PEAK1: variants seen among roughly 807,000 people sequenced by gnomAD.
PEAK1 encodes the protein inactive tyrosine-protein kinase PEAK1.
In PEAK1, 54 loss-of-function variants were observed where a neutral mutation model predicts 124.7. The ratio of observed to expected loss-of-function variants is 0.43; its 90% confidence interval spans 0.35 to 0.54. PEAK1 has a LOEUF of 0.54. Among genes scored for constraint, PEAK1 ranks in the 20% least tolerant of loss-of-function variants. The pLI is 0.01. For synonymous variants in PEAK1, 719 were observed against 760.0 expected (o/e 0.95, Z 0.89); for missense variants, 2,046 against 2,134.5 (o/e 0.96, Z 0.82).
intron 8 of PEAK1, among the ~76,000 whole-genome samples, chr15:77,137,828 G>T (rs980017402): frequency 1.3e-5 from 2 of 152,094 alleles, no homozygotes; most frequent in African/African-American, 2.4e-5. Flanking sequence ...GATCTGGGAG[G>T]GGCAAGGGGT....
intron 5 of PEAK1, among the ~76,000 whole-genome samples, chr15:77,271,825 A>G (rs2062050130): frequency 1.3e-5 from 2 of 152,152 alleles, no homozygotes; most frequent in Non-Finnish European, 2.9e-5. Flanking sequence ...AGACATACCT[A>G]ATGTAAATGA....
At chr15:77,392,273 C>T (rs1247263125) in intron 1 of PEAK1, among the ~76,000 whole-genome samples, 2 of 152,198 alleles carry the variant, frequency 1.3e-5, no homozygotes, top group African/African-American at 4.8e-5. Flanking sequence ...CACAGTTGTT[C>T]ACTCTGAATG....
chr15:77,402,390 T>C (rs1216102465), intron 1 of PEAK1: 1 of 985,250 alleles, frequency 1.0e-6, no homozygotes, highest in East Asian at 1.1e-4. Context: ...AGACCAATTA[T>C]TTCATTCAAT....
At chr15:77,311,023 T>C (rs1174416100) in intron 2 of PEAK1, among the ~76,000 whole-genome samples, 4 of 152,218 alleles carry the variant, frequency 2.6e-5, no homozygotes, top group African/African-American at 7.2e-5. Context: ...CACAGGGCCA[T>C]AATGATCAGA....
At chr15:77,120,179 G>A (rs1037222633) in intron 9 of PEAK1, among the ~76,000 whole-genome samples, 7 of 152,138 alleles carry the variant, frequency 4.6e-5, no homozygotes, top group African/African-American at 9.7e-5. Context: ...GGTGTTTGGA[G>A]TGCCTGCTCT....
At chr15:77,233,106 A>C (rs1405315799) in intron 6 of PEAK1, among the ~76,000 whole-genome samples, 1 of 152,116 alleles carries the variant, frequency 6.6e-6, no homozygotes, top group Non-Finnish European at 1.5e-5. Flanking sequence ...TAGTGTATGA[A>C]TGTGCCATAA....
At chr15:77,351,653 C>T in intron 2 of PEAK1, 1 of 891,174 alleles carries the variant, frequency 1.1e-6, no homozygotes, top group Non-Finnish European at 1.3e-6. Flanking sequence ...TCCCTTCATT[C>T]CTTCCTTGCT....
At chr15:77,418,487 T>C in intron 1 of PEAK1, 1 of 985,160 alleles carries the variant, frequency 1.0e-6, no homozygotes. Context: ...CAAAATTCAC[T>C]AGCAATGCTA....
chr15:77,276,557 G>A (rs1446077176), intron 5 of PEAK1, among the ~76,000 whole-genome samples: 1 of 151,988 alleles, frequency 6.6e-6, no homozygotes, highest in East Asian at 1.9e-4. Context: ...TTTCTCACTA[G>A]CAGATCTGCT....
chr15:77,310,895 AC>A (rs1168344675), intron 2 of PEAK1, among the ~76,000 whole-genome samples: 11 of 152,312 alleles, frequency 7.2e-5, no homozygotes, highest in African/African-American at 2.6e-4. Flanking sequence ...AACTAAACAA[AC>A]AAACAAAAAC....
intron 7 of PEAK1, among the ~76,000 whole-genome samples, chr15:77,159,337 C>G (rs2152787076): frequency 6.6e-6 from 1 of 152,304 alleles, no homozygotes; most frequent in South Asian, 2.1e-4. Context: ...TCTAGTTAAT[C>G]TCATTTATTA....
chr15:77,264,172 G>A lies in PEAK1; in HGVS notation c.-274-11646C>T, dbSNP rs566438449. 7.0e-4 allele frequency among the ~76,000 whole-genome samples: 107 copies of A among 152,106 alleles called. 1 individual carries two copies. Among genetic ancestry groups the A allele is most frequent in the South Asian group, 1.0e-3 (5 of 4,814 alleles). ...CATACTGAATGGGCAAAAACTGGAA[G>A]CATTCCCTTTGAAAACTGGCACAAG... On this transcript the variant is annotated intron_variant, in intron 5 of 9. Coordinates refer to ENST00000682557, the MANE Select transcript of PEAK1 (RefSeq NM_001385026.1).
Position 77,252,518 on chromosome 15 carries a change from C to T in PEAK1, c.-266G>A, listed in dbSNP as rs1458840890. The T allele has an allele frequency of 2.0e-6, 2 of 983,924 alleles. No individual in the cohort carries two copies. Among genetic ancestry groups the T allele is most frequent in the South Asian group, 4.7e-5 (1 of 21,234 alleles). The allele number at this position is 983,924 out of a possible 1,614,324, so 60.9% of individuals were successfully genotyped here. On this transcript the variant is annotated 5_prime_UTR_variant, in exon 6 of 10. Transcript: ENST00000682557. Reference sequence around the variant, plus strand: ...CTCATTCCTTAATTTCTGAAGATAGCAATGTTTACTGCAAGAGAAAAAAAA... The same window carrying T: ...CTCATTCCTTAATTTCTGAAGATAGTAATGTTTACTGCAAGAGAAAAAAAA...
At chr15:77,206,158 A>G (rs775422605) in intron 6 of PEAK1, among the ~76,000 whole-genome samples, 9 of 121,998 alleles carry the variant, frequency 7.4e-5, no homozygotes, top group Admixed American at 7.1e-4. Context: ...ACATGAACTC[A>G]TCATTTTTTA....
At chr15:77,252,556 G>T (rs1050202718) in intron 5 of PEAK1, 30 bp from the exon 6 acceptor site, 72 of 959,822 alleles carry the variant, frequency 7.5e-5, no homozygotes, top group Non-Finnish European at 8.6e-5. Flanking sequence ...GAGCAAAACT[G>T]GAGAGTAATA....
chr15:77,192,096 C>T (rs1170912568), intron 6 of PEAK1, among the ~76,000 whole-genome samples: 1 of 152,152 alleles, frequency 6.6e-6, no homozygotes, highest in African/African-American at 2.4e-5. Context: ...AAATTCTTCC[C>T]ATTGAGAAAT....
chr15:77,299,164 A>T (rs1031073858), intron 2 of PEAK1, among the ~76,000 whole-genome samples: 1 of 152,216 alleles, frequency 6.6e-6, no homozygotes, highest in African/African-American at 2.4e-5. Context: ...TTGATTTTTT[A>T]TCATCAGTAT....
intron 6 of PEAK1, among the ~76,000 whole-genome samples, chr15:77,225,464 G>C (rs186551688): frequency 2.0e-5 from 3 of 151,582 alleles, no homozygotes; most frequent in African/African-American, 7.3e-5. Context: ...CAACTGCTTG[G>C]AGTCAAAGAT....
intron 5 of PEAK1, among the ~76,000 whole-genome samples, chr15:77,256,065 G>A (rs186592856): frequency 6.6e-6 from 1 of 152,098 alleles, no homozygotes; most frequent in East Asian, 1.9e-4. Flanking sequence ...ATAAGGTGAA[G>A]GGACTTTCTG....
Sources: allele counts gnomAD v4.1 joint callset (sites outside exome capture counted in the v4.1 genomes callset), GRCh38; gene constraint gnomAD v4.1.1; transcripts MANE v1.5; gene names NCBI Gene and HGNC (gene_info 2026-07-23, HGNC 2026-07-21).